Variants in CRMP1 observed in about 807,000 individuals in gnomAD.
CRMP1 encodes collapsin response mediator protein 1.
In CRMP1, 19 loss-of-function variants were observed where a neutral mutation model predicts 68.3. That is an observed-to-expected ratio of 0.28 (90% confidence interval 0.19 to 0.41). The LOEUF is 0.41. Among genes scored for constraint, CRMP1 ranks in the 10% least tolerant of loss-of-function variants. The probability of loss-of-function intolerance (pLI) is 1.00; values close to 1 mark genes in which losing one functional copy is unlikely to be tolerated. For missense variants in CRMP1, 791 were observed against 967.4 expected, an observed-to-expected ratio of 0.82 and a Z score of 2.42; for synonymous variants, 439 against 399.6, an observed-to-expected ratio of 1.10 and a Z score of -1.18.
intron 6 of CRMP1, among the ~76,000 whole-genome samples, chr4:5,845,000 G>A (rs555422057): frequency 6.6e-6 from 1 of 152,222 alleles, no homozygotes; most frequent in Non-Finnish European, 1.5e-5. Context: ...GATTCGTGCG[G>A]TGGAATTCTA....
intron 11 of CRMP1, among the ~76,000 whole-genome samples, chr4:5,832,038 C>A (rs1023471526): frequency 6.6e-6 from 1 of 152,182 alleles, no homozygotes; most frequent in Admixed American, 6.5e-5. Context: ...CACGGATGAT[C>A]CTCAAAAATA....
intron 1 of CRMP1, among the ~76,000 whole-genome samples, chr4:5,880,692 G>A (rs2152474438): frequency 6.6e-6 from 1 of 152,246 alleles, no homozygotes; most frequent in Middle Eastern, 3.4e-3. Context: ...ACCACTTCAG[G>A]GGCCCCCACA....
chr4:5,885,538 T>C (rs1350456848), intron 1 of CRMP1, among the ~76,000 whole-genome samples: 2 of 152,124 alleles, frequency 1.3e-5, no homozygotes, highest in Non-Finnish European at 2.9e-5. Flanking sequence ...AAGCAGAGGG[T>C]GGGCTCTCCC....
rs1029028462 is a variant in CRMP1 at position 5,881,608 on chromosome 4, T to C, written c.381+10981A>G. Among the ~76,000 whole-genome samples the C allele has an allele frequency of 6.6e-6, 1 of 152,146 alleles. No individual in the cohort carries two copies. Among genetic ancestry groups the C allele is most frequent in the East Asian group, 1.9e-4 (1 of 5,182 alleles). ...GCTCTCACGGCAAAGTCCTCCGGTG[T>C]TCCTCTTCCATGGCAAGAGCTGACT... On this transcript the variant is annotated intron_variant, in intron 1 of 13. Coordinates refer to ENST00000324989, the MANE Select transcript of CRMP1 (RefSeq NM_001014809.3). This position sits in a 1 kb window ranked among gnomAD's most constrained non-coding sequence, Gnocchi z 4.6.
In CRMP1 at chr4:5,893,060, G is replaced by C. The variant is rs1716025978; in HGVS notation, c.-91C>G. 1 of 867,508 alleles carries C rather than the reference G, an allele frequency of 1.2e-6. No individual in the cohort carries two copies. Among genetic ancestry groups the C allele is most frequent in the Non-Finnish European group, 1.4e-6 (1 of 721,848 alleles). The allele number at this position is 867,508 out of a possible 1,614,324, so 53.7% of individuals were successfully genotyped here. A position where few individuals can be genotyped will look rare whatever the true frequency, so the allele number is the denominator to read the frequency against. On this transcript the variant is annotated 5_prime_UTR_variant, in exon 1 of 14. Transcript: ENST00000324989. The stretch of plus-strand genomic sequence containing the variant: ...GCGCCGCGCTCCGCGCCTCGGTGCG[G>C]GCCTGCGGCGGCCCGGGCGCGACTG...
chr4:5,869,382 G>A (rs1462906926), intron 1 of CRMP1, among the ~76,000 whole-genome samples: 1 of 152,138 alleles, frequency 6.6e-6, no homozygotes, highest in Non-Finnish European at 1.5e-5. Context: ...CCTTGGGTGG[G>A]GGAGAAAGAA....
rs1223900341 is a variant in CRMP1 at position 5,889,858 on chromosome 4, G to A, written c.381+2731C>T. 3 of 1,442,350 alleles carry A rather than the reference G, an allele frequency of 2.1e-6. No homozygotes were observed. Among genetic ancestry groups the A allele is most frequent in the Non-Finnish European group, 2.7e-6 (3 of 1,101,076 alleles). The allele number at this position is 1,442,350 out of a possible 1,614,324, so 89.3% of individuals were successfully genotyped here. ...GAGACACCTGGGCCTTAAAATAGAG[G>A]TGAGGTTTTAGCTTCACAGAGAAGC... On this transcript the variant is annotated intron_variant, in intron 1 of 13. Transcript: ENST00000324989. This position sits in a 1 kb window ranked among gnomAD's most constrained non-coding sequence, Gnocchi z 4.5.
chr4:5,862,564 G>A (rs1014767854), intron 2 of CRMP1, among the ~76,000 whole-genome samples: 2 of 152,172 alleles, frequency 1.3e-5, no homozygotes, highest in South Asian at 2.1e-4. Context: ...AGCGCATCAC[G>A]GCTTCTCTCA....
intron 3 of CRMP1, among the ~76,000 whole-genome samples, chr4:5,856,565 TACC>T (rs895443493): frequency 2.1e-5 from 3 of 143,220 alleles, no homozygotes; most frequent in Non-Finnish European, 4.6e-5. Context: ...TTATCACCAC[TACC>T]ACCACCATCA....
At chr4:5,831,852 C>T (rs1453360312) in intron 11 of CRMP1, among the ~76,000 whole-genome samples, 1 of 152,154 alleles carries the variant, frequency 6.6e-6, no homozygotes, top group African/African-American at 2.4e-5. Flanking sequence ...GATGAAAAAA[C>T]CTCTTGCCAT....
Position 5,858,329 on chromosome 4 carries a change from G to T in CRMP1, c.656-2022C>A, listed in dbSNP as rs547761461. 2.7e-4 allele frequency among the ~76,000 whole-genome samples: 40 copies of T among 147,838 alleles called. 1 individual carries two copies. In the South Asian group the frequency reaches 8.8e-3, roughly 33 times the overall value. On this transcript the variant is annotated intron_variant, in intron 3 of 13. Transcript: ENST00000324989. This position sits in a 1 kb window ranked among gnomAD's most constrained non-coding sequence, Gnocchi z 5.5. ...GAGCTACAGAACTCTGAACCCGGTT[G>T]TGTTCTTGGCTTCTCCACCGAGATG...
intron 3 of CRMP1, 92 bp from the exon 4 acceptor site, chr4:5,856,399 T>TACCATCACCAACATCATCATCATC: frequency 1.9e-6 from 2 of 1,077,590 alleles, no homozygotes; most frequent in Non-Finnish European, 2.7e-6. Flanking sequence ...TCACCATCAT[T>TACCATCACCAACATCATCATCATC]ACCATCACCA....
At chr4:5,857,519 C>T (rs1408701656) in intron 3 of CRMP1, among the ~76,000 whole-genome samples, 1 of 152,192 alleles carries the variant, frequency 6.6e-6, no homozygotes, top group Non-Finnish European at 1.5e-5. Flanking sequence ...TCATCATCAC[C>T]ATCATCATAA....
intron 13 of CRMP1, chr4:5,824,439 G>T (rs891133614): frequency 1.0e-6 from 1 of 985,190 alleles, no homozygotes; most frequent in Non-Finnish European, 1.2e-6. Context: ...CTTCCTGAAT[G>T]GATAAGAGGT....
Position 5,892,918 on chromosome 4 carries a change from G to C in CRMP1, c.52C>G (p.Leu18Val). Reference protein sequence around the residue: ...WNTEDDLPVYLARPGSAAQTP... With the variant: ...WNTEDDLPVYVARPGSAAQTP... Reference sequence around the variant, plus strand: ...TGCGCCGCGCTGCCCGGCCGCGCCAGGTACACGGGCAGGTCGTCCTCGGTG... The same window carrying C: ...TGCGCCGCGCTGCCCGGCCGCGCCACGTACACGGGCAGGTCGTCCTCGGTG... The change falls in exon 1 of 14, where the codon CTG becomes GTG. Residue 18 changes from leucine to valine, a missense_variant. Leu to Val is a conservative substitution (Grantham distance 32). Coordinates refer to ENST00000324989, the MANE Select transcript of CRMP1 (RefSeq NM_001014809.3). This position sits in a 1 kb window ranked among gnomAD's most constrained non-coding sequence, Gnocchi z 8.6. The C allele has an allele frequency of 7.4e-7, 1 of 1,344,480 alleles. No individual in the cohort carries two copies. The highest frequency in any genetic ancestry group is 9.6e-7 in the Non-Finnish European group (1 of 1,041,510). The allele number at this position is 1,344,480 out of a possible 1,614,324, so 83.3% of individuals were successfully genotyped here.
Position 5,854,505 on chromosome 4 carries a change from G to C in CRMP1, c.820+1638C>G, listed in dbSNP as rs960301347. Reference sequence around the variant, plus strand: ...AGCAATCCTCCCTCCTCAGCCTCCCGAAGTGCTAGGATTACAGGCATGAGC... The same window carrying C: ...AGCAATCCTCCCTCCTCAGCCTCCCCAAGTGCTAGGATTACAGGCATGAGC... On this transcript the variant is annotated intron_variant, in intron 4 of 13. Transcript: ENST00000324989. This position sits in a 1 kb window ranked among gnomAD's most constrained non-coding sequence, Gnocchi z 4.0. Among the ~76,000 whole-genome samples the C allele has an allele frequency of 6.8e-6, 1 of 147,324 alleles. No homozygotes were observed. Among genetic ancestry groups the C allele is most frequent in the Non-Finnish European group, 1.5e-5 (1 of 67,222 alleles).
rs766894396 is a variant in CRMP1 at position 5,839,446 on chromosome 4, C to T, written c.1310+76G>A. On this transcript the variant is annotated intron_variant, in intron 9 of 13. Coordinates refer to ENST00000324989, the MANE Select transcript of CRMP1 (RefSeq NM_001014809.3). The stretch of plus-strand genomic sequence containing the variant: ...ACAATCATGAGTCCAAACCAGCCTG[C>T]GGATTCCCACCATTAACTCTCTGCC... The T allele has an allele frequency of 3.2e-5, 48 of 1,517,738 alleles. No individual in the cohort carries two copies. The Middle Eastern group carries it at 6.9e-4, about 22-fold the overall frequency. The allele number at this position is 1,517,738 out of a possible 1,614,324, so 94.0% of individuals were successfully genotyped here. A position where few individuals can be genotyped will look rare whatever the true frequency, so the allele number is the denominator to read the frequency against.
In CRMP1 at chr4:5,858,017, C is replaced by G. The variant is rs1426906136; in HGVS notation, c.656-1710G>C. On this transcript the variant is annotated intron_variant, in intron 3 of 13. Transcript: ENST00000324989. This position sits in a 1 kb window ranked among gnomAD's most constrained non-coding sequence, Gnocchi z 5.5. ...CACTCACACCTCCATCCACTTAAAGCATCAGGCTTTGCTAATATGACCCTC... is the reference window on the plus strand; with the variant it reads ...CACTCACACCTCCATCCACTTAAAGGATCAGGCTTTGCTAATATGACCCTC... Among the ~76,000 whole-genome samples, 1 of 152,132 alleles carries G rather than the reference C, an allele frequency of 6.6e-6. No homozygotes were observed. The highest frequency in any genetic ancestry group is 1.5e-5 in the Non-Finnish European group (1 of 68,022).
intron 2 of CRMP1, among the ~76,000 whole-genome samples, chr4:5,862,467 GC>G (rs1451541982): frequency 6.6e-6 from 1 of 152,172 alleles, no homozygotes; most frequent in African/African-American, 2.4e-5. Context: ...AAACGTGTGG[GC>G]TTGCCAAGAG....
Sources: allele counts gnomAD v4.1 joint callset (sites outside exome capture counted in the v4.1 genomes callset), GRCh38; gene constraint gnomAD v4.1.1; non-coding constraint Gnocchi (gnomAD v3.1); transcripts MANE v1.5; gene names NCBI Gene and HGNC (gene_info 2026-07-23, HGNC 2026-07-21).